The following SZT2 variants were observed in gnomAD, a reference collection of about 807,000 sequenced individuals.
SZT2 encodes KICSTOR complex protein SZT2.
In SZT2, 216 loss-of-function variants were observed where a neutral mutation model predicts 404.2. The observed-to-expected ratio is 0.53, with a 90% confidence interval of 0.48 to 0.60. The LOEUF (loss-of-function observed/expected upper bound fraction) is 0.60, where lower values mean the gene tolerates loss of function less well. SZT2 is among the 20% of genes least tolerant of loss of function. The pLI, the probability that SZT2 is intolerant of heterozygous loss-of-function variation, is 0.00. For synonymous variants in SZT2, 1,693 were observed against 1,749.9 expected, an observed-to-expected ratio of 0.97 and a Z score of 0.81; for missense variants, 3,857 against 4,459.2, an observed-to-expected ratio of 0.86 and a Z score of 3.85.
intron 12 of SZT2, 57 bp from the exon 13 acceptor site, chr1:43,422,423 C>A: frequency 1.3e-6 from 2 of 1,518,674 alleles, no homozygotes; most frequent in South Asian, 2.6e-5. Flanking sequence ...TAGTCTATTC[C>A]TTTTCTCCAA....
At chr1:43,435,026 G>A (rs745720271) in intron 41 of SZT2, among the ~76,000 whole-genome samples, 174 bp from the exon 42 acceptor site, 59 of 152,208 alleles carry the variant, frequency 3.9e-4, no homozygotes, top group Non-Finnish European at 6.5e-4. Context: ...GTTCCTGACT[G>A]AGAATCACTC....
intron 65 of SZT2, 120 bp downstream of exon 65, chr1:43,446,536 T>C: frequency 8.4e-7 from 1 of 1,196,448 alleles, no homozygotes; most frequent in Non-Finnish European, 1.2e-6. Context: ...CAGTGATTGA[T>C]TCACTGCTAT....
chr1:43,418,729 G>A (rs1190110144), intron 7 of SZT2, among the ~76,000 whole-genome samples: 1 of 152,230 alleles, frequency 6.6e-6, no homozygotes, highest in Non-Finnish European at 1.5e-5. Context: ...TGCTTATGAA[G>A]TTGTCTGAAT....
At position 43,441,177 on chromosome 1, in the gene SZT2, C is replaced by A; in HGVS notation, c.7345-37C>A. ...GCCCCCATCCCACACCTTTCCTCTT[C>A]CCAGTAGCCCTTCCTCATTCACTGC... On this transcript the variant is annotated intron_variant, in intron 52 of 71. Coordinates refer to ENST00000634258, the MANE Select transcript of SZT2 (RefSeq NM_001365999.1). This position sits in a 1 kb window ranked among gnomAD's most constrained non-coding sequence, Gnocchi z 4.8. 1.2e-6 allele frequency: 2 copies of A among 1,603,248 alleles called. No homozygotes were observed. Among genetic ancestry groups the A allele is most frequent in the South Asian group, 2.2e-5 (2 of 89,692 alleles).
chr1:43,443,553 T>C (rs1655321249), intron 61 of SZT2, 44 bp from the exon 62 acceptor site: 1 of 1,613,584 alleles, frequency 6.2e-7, no homozygotes. Flanking sequence ...CCCAGCAGGA[T>C]GGTTGACAGT....
rs1653314523 is a variant in SZT2 at position 43,427,550 on chromosome 1, G to A, written c.3619G>A (p.Glu1207Lys). ...CACAGACAATGCCCAGAATCAAGGA[G>A]AGCTAAGTCCACCATTCCGTCGAGA... ...LASDNAQNQG[E>K]LSPPFRRDLQ... Residue 1207 changes from glutamate to lysine, a missense_variant, in exon 26 of 72, where the codon GAG becomes AAG. Transcript: ENST00000634258. 6.2e-7 allele frequency: 1 copy of A among 1,614,126 alleles called. No individual in the cohort carries two copies. The highest frequency in any genetic ancestry group is 1.3e-5 in the African/African-American group (1 of 74,946).
Position 43,439,623 on chromosome 1 carries a change from T to A in SZT2, c.6896T>A (p.Leu2299Gln). 1 of 1,614,008 alleles carries A rather than the reference T, an allele frequency of 6.2e-7. No homozygotes were observed. The highest frequency in any genetic ancestry group is 8.5e-7 in the Non-Finnish European group (1 of 1,179,910). Reference protein sequence around the residue: ...TGGKGVACITLAFVDEGGAPL... With the variant: ...TGGKGVACITQAFVDEGGAPL... ...TACCCAGGGGTTGCCTGCATCACTCTAGCCTTTGTGGATGAAGGAGGGGCC... is the reference window on the plus strand; with the variant it reads ...TACCCAGGGGTTGCCTGCATCACTCAAGCCTTTGTGGATGAAGGAGGGGCC... The change falls in exon 50 of 72, where the codon CTA (leucine) becomes CAA (glutamine). Residue 2299 changes from leucine (L) to glutamine (Q), a missense_variant. By Grantham distance (113) the Leu-to-Gln change is moderately radical. This residue lies in a region of SZT2 where 261 missense variants were observed against 372.9 expected (regional missense o/e 0.70). Transcript: ENST00000634258. The surrounding 1 kb of genome is among the most constrained non-coding windows in gnomAD (Gnocchi z 4.2).
In SZT2 at chr1:43,453,520, CCCCCGGCTCGGACACTCCCCTGCCCGCG is replaced by C. The variant is rs1557618067; in HGVS notation, c.*3048_*3075del. On this transcript the variant is annotated 3_prime_UTR_variant, in exon 72 of 72. Transcript: ENST00000634258. Reference sequence around the variant, plus strand: ...CTCCTGCAGAGAGAACGGGCCTCAGCCCCCGGCTCGGACACTCCCCTGCCCGCGCCCCGGCACCCCCCAGCCCTCCCAG... The same window carrying C: ...CTCCTGCAGAGAGAACGGGCCTCAGCCCCCGGCACCCCCCAGCCCTCCCAG... The C allele has an allele frequency of 3.3e-6, 5 of 1,534,680 alleles. No individual in the cohort carries two copies. The highest frequency in any genetic ancestry group is 4.4e-6 in the Non-Finnish European group (5 of 1,136,996).
At position 43,451,489 on chromosome 1, in the gene SZT2, C is replaced by T; in HGVS notation, c.*1009C>T. 6.2e-7 allele frequency: 1 copy of T among 1,614,150 alleles called. No homozygotes were observed. Among genetic ancestry groups the T allele is most frequent in the Non-Finnish European group, 8.5e-7 (1 of 1,180,034 alleles). The stretch of plus-strand genomic sequence containing the variant: ...GTTGAAACAGATAGGGGAAATTCAG[C>T]TCTCCGGGGCTGCTGGGCTCCCCTC... On this transcript the variant is annotated 3_prime_UTR_variant, in exon 72 of 72. Coordinates refer to ENST00000634258, the MANE Select transcript of SZT2 (RefSeq NM_001365999.1).
At position 43,422,188 on chromosome 1, in the gene SZT2, C is replaced by T; in HGVS notation, c.1732C>T (p.His578Tyr). The T allele has an allele frequency of 6.3e-7, 1 of 1,596,036 alleles. No individual in the cohort carries two copies. Among genetic ancestry groups the T allele is most frequent in the Non-Finnish European group, 8.5e-7 (1 of 1,178,326 alleles). The change falls in exon 12 of 72, where the codon CAC becomes TAC. Residue 578 changes from histidine (H) to tyrosine (Y), a missense_variant. Physicochemically the swap from His to Tyr is moderately conservative, Grantham distance 83. Transcript: ENST00000634258. Reference protein sequence around the residue: ...MDANSWQRWLHMHRLVLILEH... With the variant: ...MDANSWQRWLYMHRLVLILEH... The stretch of plus-strand genomic sequence containing the variant: ...TGCAAATTCCTGGCAGCGATGGCTG[C>T]ACATGCATCGCCTGGTGCTAATCCT...
Position 43,441,400 on chromosome 1 carries a change from G to A in SZT2, c.7511+20G>A, listed in dbSNP as rs749692912. 4 of 1,613,500 alleles carry A rather than the reference G, an allele frequency of 2.5e-6. No individual in the cohort carries two copies. Among genetic ancestry groups the A allele is most frequent in the Non-Finnish European group, 3.4e-6 (4 of 1,179,684 alleles). ...ACAAAAGTATGTGTGTGGTGGTGGT[G>A]TGCCCTGGGAGGGTATGGGTGTGAA... On this transcript the variant is annotated intron_variant, in intron 53 of 71. Transcript: ENST00000634258. This position sits in a 1 kb window ranked among gnomAD's most constrained non-coding sequence, Gnocchi z 4.8.
chr1:43,449,856 G>A, intron 70 of SZT2: 1 of 590,510 alleles, frequency 1.7e-6, no homozygotes, highest in South Asian at 1.9e-5. Flanking sequence ...AGTGTGCCAG[G>A]CTCTGTGTGG....
chr1:43,425,101 T>C lies in SZT2; in HGVS notation c.2551-12T>C. 1.9e-6 allele frequency: 3 copies of C among 1,614,092 alleles called. No homozygotes were observed. The highest frequency in any genetic ancestry group is 2.5e-6 in the Non-Finnish European group (3 of 1,179,964). ...GCTGGGATTTGCCCAAGATCTCCCATTTTGCCCACAGAATGAACCACCAGG... is the reference window on the plus strand; with the variant it reads ...GCTGGGATTTGCCCAAGATCTCCCACTTTGCCCACAGAATGAACCACCAGG... On this transcript the variant is annotated splice_polypyrimidine_tract_variant and intron_variant, in intron 17 of 71. Coordinates refer to ENST00000634258, the MANE Select transcript of SZT2 (RefSeq NM_001365999.1). This position sits in a 1 kb window ranked among gnomAD's most constrained non-coding sequence, Gnocchi z 4.3.
At chr1:43,393,877 C>T (rs892912166) in intron 1 of SZT2, among the ~76,000 whole-genome samples, 4 of 152,162 alleles carry the variant, frequency 2.6e-5, no homozygotes, top group African/African-American at 7.2e-5. Flanking sequence ...TTAATTGCAA[C>T]GACATCCCTA....
intron 42 of SZT2, chr1:43,435,667 T>C (rs571677308): frequency 1.7e-4 from 34 of 201,086 alleles, no homozygotes; most frequent in African/African-American, 7.9e-4. Context: ...CGGCAGTAAC[T>C]AAAGGAAGAT....
rs1252126135 is a variant in SZT2, at chr1:43,451,745, ACCCCGCAGG to A, written c.*1272_*1280del. 1.2e-6 allele frequency: 2 copies of A among 1,613,094 alleles called. No homozygotes were observed. Among genetic ancestry groups the A allele is most frequent in the Admixed American group, 1.7e-5 (1 of 59,970 alleles). ...AGGGAAGAGGATACTACATTCCGAG[ACCCCGCAGG>A]CCCCGCCCTCCTTCCGATCTGCGAA... On this transcript the variant is annotated 3_prime_UTR_variant, in exon 72 of 72. Coordinates refer to ENST00000634258, the MANE Select transcript of SZT2 (RefSeq NM_001365999.1).
At position 43,450,331 on chromosome 1, in the gene SZT2, C is replaced by T; in HGVS notation, c.10156-6C>T. Reference sequence around the variant, plus strand: ...CACCAGTGCATCCCCACCGTGTTCCCCACAGTCTCTGACAGTGGTTTTCCG... The same window carrying T: ...CACCAGTGCATCCCCACCGTGTTCCTCACAGTCTCTGACAGTGGTTTTCCG... On this transcript the variant is annotated splice_polypyrimidine_tract_variant and splice_region_variant and intron_variant, in intron 71 of 71. Coordinates refer to ENST00000634258, the MANE Select transcript of SZT2 (RefSeq NM_001365999.1). This position sits in a 1 kb window ranked among gnomAD's most constrained non-coding sequence, Gnocchi z 4.3. The T allele has an allele frequency of 3.1e-6, 5 of 1,613,996 alleles. No homozygotes were observed. The highest frequency in any genetic ancestry group is 4.2e-6 in the Non-Finnish European group (5 of 1,179,960).
rs1272191590 is a variant in SZT2, at chr1:43,448,273, C to T, written c.9758C>T (p.Ala3253Val). The change falls in exon 69 of 72, where the codon GCA (alanine) becomes GTA (valine). Residue 3253 changes from alanine to valine, a missense_variant. Coordinates refer to ENST00000634258, the MANE Select transcript of SZT2 (RefSeq NM_001365999.1). This position sits in a 1 kb window ranked among gnomAD's most constrained non-coding sequence, Gnocchi z 4.2. ...GPAPLFPPLA[A>V]EVGMARARLA... ...GCTCCTCTGTTCCCACCACTGGCTG[C>T]AGAGGTGGGCATGGCACGAGCACGG... 1 of 1,568,764 alleles carries T rather than the reference C, an allele frequency of 6.4e-7. No individual in the cohort carries two copies.
At position 43,452,137 on chromosome 1, in the gene SZT2, A is replaced by G. The variant is rs1656505168; in HGVS notation, c.*1657A>G. 1 of 1,496,780 alleles carries G rather than the reference A, an allele frequency of 6.7e-7. No individual in the cohort carries two copies. The highest frequency in any genetic ancestry group is 9.2e-7 in the Non-Finnish European group (1 of 1,082,746). The allele number at this position is 1,496,780 out of a possible 1,614,324, so 92.7% of individuals were successfully genotyped here. A position where few individuals can be genotyped will look rare whatever the true frequency, so the allele number is the denominator to read the frequency against. On this transcript the variant is annotated 3_prime_UTR_variant, in exon 72 of 72. Coordinates refer to ENST00000634258, the MANE Select transcript of SZT2 (RefSeq NM_001365999.1). ...GCTGGCAGCCTCACGTGCTGTCCCC[A>G]CTGTGCACCCCCTTCTCCGCACACC...
Sources: allele counts gnomAD v4.1 joint callset (sites outside exome capture counted in the v4.1 genomes callset), GRCh38; gene constraint gnomAD v4.1.1; regional missense constraint gnomAD v4.1.1; non-coding constraint Gnocchi (gnomAD v3.1); transcripts MANE v1.5; gene names NCBI Gene and HGNC (gene_info 2026-07-23, HGNC 2026-07-21).